Variants in CCDC93 observed in about 807,000 individuals in gnomAD.
The protein encoded by CCDC93 is coiled-coil domain-containing protein 93.
In CCDC93, 61 loss-of-function variants were observed where a neutral mutation model predicts 108.2. The observed-to-expected ratio is 0.56, with a 90% CI of 0.46 to 0.70. The LOEUF (loss-of-function observed/expected upper bound fraction) is 0.70, where lower values mean the gene tolerates loss of function less well. Ranked by LOEUF, CCDC93 falls within the 30% of genes least tolerant of loss-of-function variation. The probability of loss-of-function intolerance (pLI) is 0.00; values close to 1 mark genes in which losing one functional copy is unlikely to be tolerated. For missense variants in CCDC93, 685 were observed against 764.2 expected (o/e 0.90, Z 1.22); for synonymous variants, 276 against 260.4 (o/e 1.06, Z -0.58).
chr2:117,940,627 AG>A (rs1424109937), intron 19 of CCDC93, among the ~76,000 whole-genome samples: 1 of 152,216 alleles, frequency 6.6e-6, no homozygotes, highest in Non-Finnish European at 1.5e-5. Context: ...GAGGCACTGC[AG>A]CTAATGGTCA....
intron 3 of CCDC93, among the ~76,000 whole-genome samples, chr2:118,004,405 CAG>C (rs1388936875): frequency 2.6e-5 from 4 of 152,180 alleles, no homozygotes; most frequent in African/African-American, 9.7e-5. Flanking sequence ...AGAAAGATGA[CAG>C]AGAACAAGGC....
intron 13 of CCDC93, chr2:117,951,035 C>T: frequency 1.0e-6 from 1 of 980,590 alleles, no homozygotes; most frequent in Non-Finnish European, 1.2e-6. Flanking sequence ...AAGGGCTCAA[C>T]AAATACTTGA....
chr2:117,933,053 A>T (rs1464860365), intron 22 of CCDC93, among the ~76,000 whole-genome samples: 1 of 152,226 alleles, frequency 6.6e-6, no homozygotes, highest in East Asian at 1.9e-4. Flanking sequence ...TAGAAATAGT[A>T]TGAGCTTGAG....
chr2:117,923,279 C>T (rs190712757), intron 23 of CCDC93, among the ~76,000 whole-genome samples: 8 of 152,198 alleles, frequency 5.3e-5, no homozygotes, highest in Admixed American at 1.3e-4. Context: ...CAAGACAGCG[C>T]GTGCAGTGCA....
chr2:118,013,825 A>T, intron 1 of CCDC93, 129 bp downstream of exon 1: 1 of 783,236 alleles, frequency 1.3e-6, no homozygotes, highest in Non-Finnish European at 2.0e-6. Context: ...CGCTTCCCTG[A>T]GGTGGATACG....
At chr2:117,995,704 A>C (rs200010752) in intron 5 of CCDC93, 1 of 524,170 alleles carries the variant, frequency 1.9e-6, no homozygotes. Flanking sequence ...AGATCCCTAC[A>C]CAGCCAGTAA....
rs992512853 is a variant in CCDC93, at chr2:117,985,495, T to C, written c.620+474A>G. On this transcript the variant is annotated intron_variant, in intron 7 of 23. Transcript: ENST00000376300. Reference sequence around the variant, plus strand: ...AGAAGCATGTCCTTGCACTTTTTTTTAAAGTAAAAACTAAGGATATAAAAT... The same window carrying C: ...AGAAGCATGTCCTTGCACTTTTTTTCAAAGTAAAAACTAAGGATATAAAAT... The C allele has an allele frequency of 1.8e-5, 16 of 876,958 alleles. No homozygotes were observed. The African/African-American group carries it at 2.9e-4, about 16-fold the overall frequency. 54.3% of individuals were successfully genotyped at this position (876,958 alleles called of 1,614,324 possible).
At chr2:118,013,187 G>A (rs1194130423) in intron 1 of CCDC93, among the ~76,000 whole-genome samples, 1 of 152,204 alleles carries the variant, frequency 6.6e-6, no homozygotes, top group Non-Finnish European at 1.5e-5. Context: ...CCCAGCAAAC[G>A]TGGAAATCCG....
chr2:117,989,742 A>G (rs1040465672), intron 6 of CCDC93, among the ~76,000 whole-genome samples: 24 of 152,360 alleles, frequency 1.6e-4, no homozygotes, highest in African/African-American at 5.5e-4. Context: ...ACTAATCGGT[A>G]TATTTAATAG....
intron 20 of CCDC93, 35 bp from the exon 21 acceptor site, chr2:117,936,774 C>G (rs1369000588): frequency 6.3e-7 from 1 of 1,588,556 alleles, no homozygotes. Context: ...AATTATAAGA[C>G]AGGCAAAAAG....
At chr2:118,008,784 A>C in intron 1 of CCDC93, 126 bp from the exon 2 acceptor site, 1 of 635,928 alleles carries the variant, frequency 1.6e-6, no homozygotes, top group Non-Finnish European at 2.8e-6. Flanking sequence ...ACCACAATAG[A>C]TTCTCTGAAA....
chr2:117,945,763 GA>G (rs1409073646), intron 16 of CCDC93, among the ~76,000 whole-genome samples, 181 bp from the exon 17 acceptor site: 1 of 152,198 alleles, frequency 6.6e-6, no homozygotes, highest in Non-Finnish European at 1.5e-5. Flanking sequence ...ATGAGCAGCA[GA>G]TTTTAAATTG....
intron 21 of CCDC93, 137 bp downstream of exon 21, chr2:117,936,565 A>G (rs755331945): frequency 6.6e-6 from 5 of 760,510 alleles, no homozygotes; most frequent in South Asian, 5.8e-5. Flanking sequence ...CAGAAGGGCT[A>G]AAAGAGTAAG....
chr2:117,951,411 G>A (rs1356065416), intron 13 of CCDC93: 9 of 985,454 alleles, frequency 9.1e-6, no homozygotes, highest in Non-Finnish European at 1.1e-5. Flanking sequence ...AACTGAAGAG[G>A]TTAGTCCAGA....
chr2:117,954,932 T>C lies in CCDC93; in HGVS notation c.1006-2497A>G, dbSNP rs576586998. Among the ~76,000 whole-genome samples, 10 of 152,248 alleles carry C rather than the reference T, an allele frequency of 6.6e-5. No individual in the cohort carries two copies. In the South Asian group the frequency reaches 2.1e-3, roughly 32 times the overall value. The stretch of plus-strand genomic sequence containing the variant: ...TCCAGTCATCATGTGAAGAAGGACA[T>C]GTTTGCTTCCCCTTCCGCCATGATT... On this transcript the variant is annotated intron_variant, in intron 12 of 23. Coordinates refer to ENST00000376300, the MANE Select transcript of CCDC93 (RefSeq NM_019044.5).
At chr2:117,925,714 CAG>C (rs1678063976) in intron 23 of CCDC93, among the ~76,000 whole-genome samples, 1 of 152,102 alleles carries the variant, frequency 6.6e-6, no homozygotes, top group African/African-American at 2.4e-5. Flanking sequence ...ATCAACAAGA[CAG>C]AAAGATAACA....
At chr2:117,925,861 G>C (rs1573458266) in intron 23 of CCDC93, among the ~76,000 whole-genome samples, 1 of 152,114 alleles carries the variant, frequency 6.6e-6, no homozygotes, top group East Asian at 1.9e-4. Flanking sequence ...TGACCACATA[G>C]ATGGAAGTAA....
intron 6 of CCDC93, among the ~76,000 whole-genome samples, chr2:117,990,677 C>T (rs552292719): frequency 1.3e-5 from 2 of 151,334 alleles, no homozygotes; most frequent in African/African-American, 4.8e-5. Flanking sequence ...TGAACTAGTT[C>T]CACACAATTA....
At chr2:117,934,269 G>A (rs1678449925) in intron 22 of CCDC93, among the ~76,000 whole-genome samples, 1 of 152,188 alleles carries the variant, frequency 6.6e-6, no homozygotes, top group Non-Finnish European at 1.5e-5. Flanking sequence ...GCAATGGCAA[G>A]GTGGAAGCGT....
Sources: gnomAD v4.1 joint callset for allele counts (sites outside exome capture counted in the v4.1 genomes callset) on GRCh38, gnomAD v4.1.1 for gene constraint, MANE v1.5 for transcripts, NCBI Gene and HGNC (gene_info 2026-07-23, HGNC 2026-07-21) for gene names.